The following CACNA1C variants were observed in gnomAD, a reference collection of about 807,000 sequenced individuals.
CACNA1C encodes calcium voltage-gated channel subunit alpha1 C.
A neutral mutation model predicts 229.0 loss-of-function variants in CACNA1C; 30 were observed. The ratio of observed to expected loss-of-function variants is 0.13; its 90% confidence interval spans 0.10 to 0.18. The LOEUF is 0.18. CACNA1C is among the 10% of genes least tolerant of loss of function. The probability of loss-of-function intolerance (pLI) is 1.00; values close to 1 mark genes in which losing one functional copy is unlikely to be tolerated. For synonymous variants in CACNA1C, 1,114 were observed against 1,132.5 expected (o/e 0.98, Z 0.33); for missense variants, 1,658 against 2,845.0 (o/e 0.58, Z 9.49).
chr12:2,249,293 C>T (rs2074596787), intron 3 of CACNA1C, among the ~76,000 whole-genome samples: 1 of 152,172 alleles, frequency 6.6e-6, no homozygotes, highest in African/African-American at 2.4e-5. Context: ...GAACAGGCCA[C>T]ATCCGGCCTG....
intron 3 of CACNA1C, among the ~76,000 whole-genome samples, chr12:2,196,471 G>A (rs953100767): frequency 6.6e-6 from 1 of 152,206 alleles, no homozygotes; most frequent in Non-Finnish European, 1.5e-5. Flanking sequence ...CTTTTGAACT[G>A]CTCTTTTATT....
chr12:2,054,019 G>A lies in CACNA1C; in HGVS notation c.49+408G>A, dbSNP rs952496707. Among the ~76,000 whole-genome samples the A allele has an allele frequency of 2.7e-5, 4 of 146,954 alleles. No homozygotes were observed. The highest frequency in any genetic ancestry group is 9.8e-5 in the African/African-American group (4 of 40,868). On this transcript the variant is annotated intron_variant, in intron 1 of 46. Transcript: ENST00000399655. This position sits in a 1 kb window ranked among gnomAD's most constrained non-coding sequence, Gnocchi z 5.5. Reference sequence around the variant, plus strand: ...CCCAGAGGCCCGGGGTCCCTCGCCCGGCTCGGGGCGCGGCTGGGAGCGCGC... The same window carrying A: ...CCCAGAGGCCCGGGGTCCCTCGCCCAGCTCGGGGCGCGGCTGGGAGCGCGC...
chr12:2,645,507 T>C (rs989554782), intron 30 of CACNA1C, among the ~76,000 whole-genome samples: 2 of 152,216 alleles, frequency 1.3e-5, no homozygotes, highest in Admixed American at 1.3e-4. Context: ...GATCCTGGGA[T>C]ACCACAGATG....
At chr12:2,658,328 A>T (rs1384608992) in intron 34 of CACNA1C, among the ~76,000 whole-genome samples, 2 of 152,210 alleles carry the variant, frequency 1.3e-5, no homozygotes, top group Non-Finnish European at 2.9e-5. Flanking sequence ...TTAGTAACTC[A>T]AAGCTGAAAC....
chr12:2,301,958 T>C (rs1039875378), intron 3 of CACNA1C, among the ~76,000 whole-genome samples: 1 of 152,244 alleles, frequency 6.6e-6, no homozygotes, highest in African/African-American at 2.4e-5. Flanking sequence ...TGCGAGGCTA[T>C]TTTGAAGACA....
At chr12:2,588,624 T>C (rs780040062) in intron 18 of CACNA1C, among the ~76,000 whole-genome samples, 6 of 152,194 alleles carry the variant, frequency 3.9e-5, no homozygotes, top group Non-Finnish European at 8.8e-5. Flanking sequence ...CAAGGGGCCA[T>C]CGAGGCCAGC....
At chr12:2,360,470 G>C (rs1281346441) in intron 3 of CACNA1C, among the ~76,000 whole-genome samples, 2 of 152,136 alleles carry the variant, frequency 1.3e-5, no homozygotes, top group South Asian at 2.1e-4. Context: ...TAATGACAAG[G>C]GTGCTGGGAA....
chr12:2,135,653 A>T (rs1224127451), intron 3 of CACNA1C, among the ~76,000 whole-genome samples: 1 of 143,238 alleles, frequency 7.0e-6, no homozygotes, highest in Non-Finnish European at 1.5e-5. Context: ...TTGAAGAGGC[A>T]GTCTGCCCGT....
intron 1 of CACNA1C, among the ~76,000 whole-genome samples, chr12:1,976,413 G>A (rs2034378231): frequency 6.6e-6 from 1 of 152,098 alleles, no homozygotes; most frequent in Non-Finnish European, 1.5e-5. Flanking sequence ...AGGAGTCCTT[G>A]AAAGTTTCTA....
At chr12:2,172,105 G>A (rs929138711) in intron 3 of CACNA1C, among the ~76,000 whole-genome samples, 7 of 152,228 alleles carry the variant, frequency 4.6e-5, no homozygotes, top group Non-Finnish European at 1.5e-5. Context: ...CAGTGTTGGG[G>A]TGTGTTTGCT....
chr12:2,021,354 A>G (rs1392139541), intron 1 of CACNA1C, among the ~76,000 whole-genome samples: 1 of 152,158 alleles, frequency 6.6e-6, no homozygotes. Context: ...GTGCTGCTAT[A>G]CCAGAAACCC....
At chr12:1,986,293 A>T (rs1291991896) in intron 1 of CACNA1C, among the ~76,000 whole-genome samples, 3 of 152,110 alleles carry the variant, frequency 2.0e-5, no homozygotes, top group African/African-American at 7.2e-5. Context: ...GAATTAGGAG[A>T]TCTCCTCATC....
chr12:2,378,477 G>T (rs1046747140), intron 3 of CACNA1C, among the ~76,000 whole-genome samples: 2 of 152,156 alleles, frequency 1.3e-5, no homozygotes, highest in Admixed American at 6.5e-5. Context: ...ATCATCAAAC[G>T]TAAGCACATA....
At chr12:2,513,380 T>C (rs115020600) in intron 9 of CACNA1C, among the ~76,000 whole-genome samples, 168 of 152,368 alleles carry the variant, frequency 1.1e-3, no homozygotes, top group African/African-American at 3.9e-3. Context: ...TGGAAAACTT[T>C]ATACCTGCTC....
chr12:2,135,609 T>G (rs1371654535), intron 3 of CACNA1C, among the ~76,000 whole-genome samples: 2 of 138,054 alleles, frequency 1.4e-5, no homozygotes, highest in African/African-American at 6.4e-5. Flanking sequence ...GCCTCCCAGT[T>G]AGGCTGCTCA....
rs780389123 is a variant in CACNA1C, at chr12:2,169,633, G to A, written c.477+49203G>A. On this transcript the variant is annotated intron_variant, in intron 3 of 46. Coordinates refer to ENST00000399655, the MANE Select transcript of CACNA1C (RefSeq NM_000719.7). Reference sequence around the variant, plus strand: ...ATACCAGAAAGTGGAACATGTGGTCGCAGCATGTGACCTTCAAGTCAGGTC... The same window carrying A: ...ATACCAGAAAGTGGAACATGTGGTCACAGCATGTGACCTTCAAGTCAGGTC... Among the ~76,000 whole-genome samples, 15 of 152,280 alleles carry A rather than the reference G, an allele frequency of 9.9e-5. No individual in the cohort carries two copies. In the East Asian group the frequency reaches 1.4e-3, roughly 14 times the overall value.
At chr12:2,559,342 G>A (rs537736982) in intron 11 of CACNA1C, among the ~76,000 whole-genome samples, 11 of 152,318 alleles carry the variant, frequency 7.2e-5, no homozygotes, top group Admixed American at 4.6e-4. Context: ...CTTGTGTCTC[G>A]AGTTAGAGAT....
chr12:2,616,429 C>T (rs1483482365), intron 29 of CACNA1C, among the ~76,000 whole-genome samples: 1 of 152,204 alleles, frequency 6.6e-6, no homozygotes, highest in African/African-American at 2.4e-5. Context: ...CTCGCCCTGG[C>T]CGAGTGAGTT....
intron 3 of CACNA1C, among the ~76,000 whole-genome samples, chr12:2,259,143 T>C (rs1424807204): frequency 6.6e-6 from 1 of 152,194 alleles, no homozygotes; most frequent in Non-Finnish European, 1.5e-5. Flanking sequence ...AAGCAGTGGT[T>C]CTCAGAATAT....
Sources: allele counts gnomAD v4.1 joint callset (sites outside exome capture counted in the v4.1 genomes callset), GRCh38; gene constraint gnomAD v4.1.1; non-coding constraint Gnocchi (gnomAD v3.1); transcripts MANE v1.5; gene names NCBI Gene and HGNC (gene_info 2026-07-23, HGNC 2026-07-21).